Variants in PSMD1 observed in about 807,000 individuals in gnomAD.
PSMD1 encodes 26S proteasome non-ATPase regulatory subunit 1.
In PSMD1, 18 loss-of-function variants were observed where a neutral mutation model predicts 119.0. The observed-to-expected ratio is 0.15, with a 90% CI of 0.10 to 0.22. PSMD1 has a LOEUF of 0.22. Among genes scored for constraint, PSMD1 ranks in the 10% least tolerant of loss-of-function variants. PSMD1 has a pLI of 1.00. For synonymous variants in PSMD1, 374 were observed against 396.6 expected (o/e 0.94, Z 0.68); for missense variants, 702 against 1,158.5 (o/e 0.61, Z 5.72).
intron 16 of PSMD1, among the ~76,000 whole-genome samples, chr2:231,130,285 AT>A (rs1395080313): frequency 2.0e-5 from 3 of 152,198 alleles, no homozygotes; most frequent in Non-Finnish European, 2.9e-5. Flanking sequence ...TTCTGTAAAT[AT>A]ACTTTTAAAT....
rs978687835 is a variant in PSMD1 at position 231,115,462 on chromosome 2, G to A, written c.1884-23274G>A. ...CAAAATCAGCACAAACTTTTACTCA[G>A]AAAGAATAAATGATTGGGACTTAGT... is the stretch of plus-strand genomic sequence containing the variant. On this transcript the variant is annotated intron_variant, in intron 16 of 24. Coordinates refer to ENST00000308696, the MANE Select transcript of PSMD1 (RefSeq NM_002807.4). 3.3e-5 allele frequency among the ~76,000 whole-genome samples: 5 copies of A among 152,182 alleles called. No individual in the cohort carries two copies. The East Asian group carries it at 5.8e-4, about 18-fold the overall frequency.
intron 16 of PSMD1, among the ~76,000 whole-genome samples, chr2:231,133,184 T>C (rs1695889761): frequency 6.6e-6 from 1 of 152,060 alleles, no homozygotes; most frequent in African/African-American, 2.4e-5. Flanking sequence ...TTTGAGACAG[T>C]GTCTCACTCT....
chr2:231,067,912 C>T (rs907214611), intron 5 of PSMD1, among the ~76,000 whole-genome samples: 7 of 152,148 alleles, frequency 4.6e-5, no homozygotes, highest in South Asian at 2.1e-4. Flanking sequence ...CCGTCTCAGC[C>T]GCCCAAAGTG....
intron 4 of PSMD1, among the ~76,000 whole-genome samples, chr2:231,065,204 G>A (rs1249749820): frequency 6.6e-6 from 1 of 151,412 alleles, no homozygotes; most frequent in Non-Finnish European, 1.5e-5. Flanking sequence ...AAAGAAACAA[G>A]CCAATGAATT....
chr2:231,083,999 C>T (rs1694374537), intron 14 of PSMD1, among the ~76,000 whole-genome samples: 1 of 152,182 alleles, frequency 6.6e-6, no homozygotes, highest in African/African-American at 2.4e-5. Context: ...CGGTGATACT[C>T]ATAAGCAGAT....
chr2:231,062,199 G>C (rs1693776801), intron 2 of PSMD1, 49 bp from the exon 3 acceptor site: 3 of 1,251,004 alleles, frequency 2.4e-6, no homozygotes, highest in South Asian at 1.3e-5. Context: ...TTTTAAGGAA[G>C]TGTAATGATA....
At chr2:231,142,485 A>G (rs1243168219) in intron 17 of PSMD1, among the ~76,000 whole-genome samples, 2 of 152,216 alleles carry the variant, frequency 1.3e-5, no homozygotes, top group African/African-American at 4.8e-5. Flanking sequence ...TTAATATGAT[A>G]TCTAGGAGCA....
At chr2:231,089,660 T>C (rs1489808909) in intron 16 of PSMD1, among the ~76,000 whole-genome samples, 1 of 151,918 alleles carries the variant, frequency 6.6e-6, no homozygotes, top group African/African-American at 2.4e-5. Context: ...GGTCCCACAA[T>C]AGGCTGTCTG....
At chr2:231,109,310 A>T (rs774331077) in intron 16 of PSMD1, 1 of 1,614,148 alleles carries the variant, frequency 6.2e-7, no homozygotes, top group Non-Finnish European at 8.5e-7. Flanking sequence ...GCCAAAGAGC[A>T]TGAAATCGCC....
At chr2:231,067,334 T>G (rs1693933936) in intron 5 of PSMD1, among the ~76,000 whole-genome samples, 1 of 152,250 alleles carries the variant, frequency 6.6e-6, no homozygotes, top group Admixed American at 6.5e-5. Flanking sequence ...TTTGAAGTCT[T>G]GCATGGGGAA....
intron 23 of PSMD1, 108 bp downstream of exon 23, chr2:231,166,125 A>C: frequency 2.8e-6 from 3 of 1,085,854 alleles, no homozygotes; most frequent in Non-Finnish European, 3.8e-6. Context: ...GAGCAAGCTC[A>C]CTAGTTCTAA....
rs188057475 is a variant in PSMD1 at position 231,163,567 on chromosome 2, T to C, written c.2389-68T>C. The C allele has an allele frequency of 4.2e-5, 50 of 1,203,580 alleles. No individual in the cohort carries two copies. In the East Asian group the frequency reaches 5.4e-4, roughly 13 times the overall value. The allele number at this position is 1,203,580 out of a possible 1,614,324, so 74.6% of individuals were successfully genotyped here. ...CTGCATTAAAACTTTGGTCTCCTTT[T>C]GTATCCGTATGCCTGTGGAGAGCAC... On this transcript the variant is annotated intron_variant, in intron 20 of 24. Transcript: ENST00000308696.
At chr2:231,120,101 A>ATCTG (rs1695486122) in intron 16 of PSMD1, among the ~76,000 whole-genome samples, 1 of 151,742 alleles carries the variant, frequency 6.6e-6, no homozygotes, top group South Asian at 2.1e-4. Flanking sequence ...ACAGGCGCGT[A>ATCTG]CCACCATGCC....
chr2:231,145,894 C>CA (rs36124651), intron 17 of PSMD1, among the ~76,000 whole-genome samples: 6,175 of 46,418 alleles, frequency 0.13, 1,031 homozygotes, highest in Non-Finnish European at 0.19. Flanking sequence ...AGCTACATCT[C>CA]AAAAAAAAAA....
intron 7 of PSMD1, among the ~76,000 whole-genome samples, chr2:231,072,803 G>C (rs1332026420): frequency 6.6e-6 from 1 of 152,002 alleles, no homozygotes; most frequent in African/African-American, 2.4e-5. Flanking sequence ...GCTTTTATTA[G>C]AACTAAATAC....
chr2:231,167,806 A>G (rs950596357), intron 23 of PSMD1, among the ~76,000 whole-genome samples: 3 of 152,256 alleles, frequency 2.0e-5, no homozygotes, highest in Non-Finnish European at 2.9e-5. Context: ...ATAAAAAGAC[A>G]ACCTAATTTT....
At chr2:231,116,060 C>G (rs951546561) in intron 16 of PSMD1, among the ~76,000 whole-genome samples, 1 of 152,050 alleles carries the variant, frequency 6.6e-6, no homozygotes, top group Non-Finnish European at 1.5e-5. Flanking sequence ...TGGGAGGCCT[C>G]TCAGAATAAA....
chr2:231,136,668 A>G (rs1028242248), intron 16 of PSMD1, among the ~76,000 whole-genome samples: 2 of 152,038 alleles, frequency 1.3e-5, no homozygotes, highest in African/African-American at 4.8e-5. Context: ...TTTTTATTAC[A>G]TGTGCTACAA....
intron 18 of PSMD1, among the ~76,000 whole-genome samples, chr2:231,152,847 T>C (rs1696401927): frequency 6.6e-6 from 1 of 152,206 alleles, no homozygotes; most frequent in South Asian, 2.1e-4. Flanking sequence ...AGTTTACTTA[T>C]TGTCACCCAA....
Sources: allele counts gnomAD v4.1 joint callset (sites outside exome capture counted in the v4.1 genomes callset), GRCh38; gene constraint gnomAD v4.1.1; transcripts MANE v1.5; gene names NCBI Gene and HGNC (gene_info 2026-07-23, HGNC 2026-07-21).